GLIS3: variants seen among roughly 807,000 people sequenced by gnomAD.
The protein encoded by GLIS3 is zinc finger protein GLIS3.
GLIS3 carries 53 observed loss-of-function variants against 78.6 expected under a neutral mutation model. The observed-to-expected ratio is 0.67, with a 90% CI of 0.54 to 0.85. GLIS3 has a LOEUF of 0.85. GLIS3 is among the 40% of genes least tolerant of loss of function. GLIS3 has a pLI of 0.00. For synonymous variants in GLIS3, 684 were observed against 509.9 expected (o/e 1.34, Z -4.60); for missense variants, 1,703 against 1,231.1 (o/e 1.38, Z -5.74).
chr9:4,383,032 G>C, the GLIS3 span, among the ~76,000 whole-genome samples: 1 of 152,168 alleles, frequency 6.6e-6, no homozygotes, highest in Non-Finnish European at 1.5e-5. Context: ...CAGAAACCTT[G>C]CCAAGAAAAT....
intron 7 of GLIS3, among the ~76,000 whole-genome samples, chr9:3,895,390 T>C (rs1334349724): frequency 1.3e-5 from 2 of 152,210 alleles, no homozygotes; most frequent in Admixed American, 6.5e-5. Context: ...GCCTTGGCCT[T>C]CCTGTTTGTT....
intron 4 of GLIS3, among the ~76,000 whole-genome samples, chr9:4,029,823 A>C (rs1823675049): frequency 6.6e-6 from 1 of 152,174 alleles, no homozygotes; most frequent in South Asian, 2.1e-4. Context: ...TATATACCAC[A>C]TTTTTTAATC....
At chr9:3,864,896 A>G (rs1476859104) in intron 8 of GLIS3, among the ~76,000 whole-genome samples, 10 of 152,190 alleles carry the variant, frequency 6.6e-5, no homozygotes. Flanking sequence ...GTAAGTATTG[A>G]ACAAATGTAG....
chr9:4,365,838 A>C, the GLIS3 span, among the ~76,000 whole-genome samples: 1 of 152,244 alleles, frequency 6.6e-6, no homozygotes, highest in Non-Finnish European at 1.5e-5. Flanking sequence ...CATTTGAGGT[A>C]TCAATATCTT....
intron 2 of GLIS3, among the ~76,000 whole-genome samples, chr9:4,139,844 C>G (rs1309546748): frequency 6.6e-6 from 1 of 152,194 alleles, no homozygotes; most frequent in Non-Finnish European, 1.5e-5. Context: ...CGAGGCGAAG[C>G]TTGGGCTGTA....
the GLIS3 span, among the ~76,000 whole-genome samples, chr9:4,428,706 G>T: frequency 6.6e-6 from 1 of 151,928 alleles, no homozygotes; most frequent in Non-Finnish European, 1.5e-5. Flanking sequence ...AGTATATAGG[G>T]TCATTCAAAG....
At position 3,885,535 on chromosome 9, in the gene GLIS3, T is replaced by C. The variant is rs762438492; in HGVS notation, c.2129-5940A>G. ...AGATCCTGACAAATGACATTATTGC[T>C]TGGTGGCTGGAACATGGGAAGAGGT... On this transcript the variant is annotated intron_variant, in intron 7 of 10. Transcript: ENST00000381971. 9.5e-4 allele frequency among the ~76,000 whole-genome samples: 144 copies of C among 152,314 alleles called. 1 individual carries two copies. The highest frequency in any genetic ancestry group is 1.5e-3 in the Non-Finnish European group (99 of 68,022).
chr9:4,343,685 C>A lies in GLIS3; in HGVS notation n.264+3396G>T, dbSNP rs190968387. On this transcript the variant is annotated intron_variant and non_coding_transcript_variant, in intron 2 of 4. Coordinates refer to the GLIS3 transcript ENST00000471664. ...ACCTAAATGCCCACCAACGGTGGAC[C>A]GGATAAAGAAAATGCGGTACATACA... Among the ~76,000 whole-genome samples the A allele has an allele frequency of 2.6e-5, 4 of 152,116 alleles. No homozygotes were observed. The East Asian group carries it at 7.7e-4, about 29-fold the overall frequency.
intron 2 of GLIS3, among the ~76,000 whole-genome samples, chr9:4,166,314 A>T (rs949672545): frequency 2.0e-5 from 3 of 152,186 alleles, no homozygotes; most frequent in African/African-American, 7.2e-5. Flanking sequence ...ATACACTTTG[A>T]TACAGTGAAG....
At chr9:4,132,692 T>C (rs547704365) in intron 2 of GLIS3, among the ~76,000 whole-genome samples, 1 of 152,152 alleles carries the variant, frequency 6.6e-6, no homozygotes, top group South Asian at 2.1e-4. Context: ...AAACCAACCA[T>C]TCATTATAAA....
At chr9:4,254,677 T>C (rs552943032) in intron 2 of GLIS3, among the ~76,000 whole-genome samples, 1 of 151,550 alleles carries the variant, frequency 6.6e-6, no homozygotes, top group African/African-American at 2.4e-5. Context: ...CCATCTCTAC[T>C]AAAAATACAA....
the GLIS3 span, among the ~76,000 whole-genome samples, chr9:4,379,465 G>A: frequency 1.3e-5 from 2 of 152,234 alleles, no homozygotes; most frequent in African/African-American, 2.4e-5. Flanking sequence ...TTGGAAGATT[G>A]ACAACATTAG....
At chr9:4,192,813 A>G (rs1818447361) in intron 2 of GLIS3, among the ~76,000 whole-genome samples, 1 of 151,900 alleles carries the variant, frequency 6.6e-6, no homozygotes, top group African/African-American at 2.4e-5. Flanking sequence ...ATATTTAAAA[A>G]AAAAAAAAGA....
Position 3,987,626 on chromosome 9 carries a change from G to A in GLIS3, c.1711-50437C>T, listed in dbSNP as rs1249685866. Among the ~76,000 whole-genome samples the A allele has an allele frequency of 2.7e-5, 4 of 150,706 alleles. No individual in the cohort carries two copies. In the East Asian group the frequency reaches 7.8e-4, roughly 29 times the overall value. ...CTGAGGCAGGCACTTGAACCCAGGAGGCAGAGGTTACAGTGAGCCAAGATC... is the reference window on the plus strand; with the variant it reads ...CTGAGGCAGGCACTTGAACCCAGGAAGCAGAGGTTACAGTGAGCCAAGATC... On this transcript the variant is annotated intron_variant, in intron 4 of 10. Coordinates refer to ENST00000381971, the MANE Select transcript of GLIS3 (RefSeq NM_001042413.2).
At position 4,239,395 on chromosome 9, in the gene GLIS3, G is replaced by C. The variant is rs141606715; in HGVS notation, c.388+46643C>G. On this transcript the variant is annotated intron_variant, in intron 2 of 10. Coordinates refer to ENST00000381971, the MANE Select transcript of GLIS3 (RefSeq NM_001042413.2). ...TTTTTTTTTTCTCTGCGATGAGGAAGATGAAGTTGTTAGACTACTGTATTC... is the reference window on the plus strand; with the variant it reads ...TTTTTTTTTTCTCTGCGATGAGGAACATGAAGTTGTTAGACTACTGTATTC... 7.6e-3 allele frequency among the ~76,000 whole-genome samples: 1,157 copies of C among 151,252 alleles called. 7 individuals are homozygous for C. The highest frequency in any genetic ancestry group is 0.031 in the Middle Eastern group (9 of 292).
chr9:3,911,676 G>T, intron 6 of GLIS3, among the ~76,000 whole-genome samples: 1 of 152,156 alleles, frequency 6.6e-6, no homozygotes. Context: ...ACAACTGTGA[G>T]AAAGTTGTTT....
chr9:4,264,812 G>A (rs1287568939), intron 2 of GLIS3, among the ~76,000 whole-genome samples: 2 of 152,110 alleles, frequency 1.3e-5, no homozygotes, highest in Admixed American at 6.5e-5. Context: ...CATAAGGTGA[G>A]TGCAGTTACT....
chr9:3,984,134 G>C (rs1468010606), intron 4 of GLIS3, among the ~76,000 whole-genome samples: 1 of 152,146 alleles, frequency 6.6e-6, no homozygotes, highest in Non-Finnish European at 1.5e-5. Flanking sequence ...GGTGATGTTG[G>C]AGCCCCCACA....
At chr9:3,828,466 G>T in intron 10 of GLIS3, 58 bp from the exon 11 acceptor site, 31 of 1,602,148 alleles carry the variant, frequency 1.9e-5, no homozygotes, top group Non-Finnish European at 2.6e-5. Flanking sequence ...ACGCCCACTG[G>T]AAATGCACTA....
Sources: allele counts gnomAD v4.1 joint callset (sites outside exome capture counted in the v4.1 genomes callset), GRCh38; gene constraint gnomAD v4.1.1; transcripts MANE v1.5; gene names NCBI Gene and HGNC (gene_info 2026-07-23, HGNC 2026-07-21).